The following LRP1B variants were observed in gnomAD, a reference collection of about 807,000 sequenced individuals.
LRP1B encodes LDL receptor related protein 1B, also known as low-density lipoprotein receptor-related protein 1B.
A neutral mutation model predicts 556.6 loss-of-function variants in LRP1B; 217 were observed. That is an observed-to-expected ratio of 0.39 (90% CI 0.35 to 0.44). LRP1B has a LOEUF of 0.44. Among genes scored for constraint, LRP1B ranks in the 20% least tolerant of loss-of-function variants. The pLI, the probability that LRP1B is intolerant of heterozygous loss-of-function variation, is 1.00. For missense variants in LRP1B, 5,053 were observed against 5,620.8 expected (o/e 0.90, Z 3.23); for synonymous variants, 2,047 against 1,865.8 (o/e 1.10, Z -2.50).
chr2:141,474,170 A>G (rs1182793202), intron 3 of LRP1B, among the ~76,000 whole-genome samples: 1 of 148,864 alleles, frequency 6.7e-6, no homozygotes, highest in Non-Finnish European at 1.5e-5. Context: ...TAGCTGGAAT[A>G]GGATTTTTAA....
intron 3 of LRP1B, among the ~76,000 whole-genome samples, chr2:141,401,783 G>C (rs796126249): frequency 6.6e-6 from 1 of 151,944 alleles, no homozygotes; most frequent in Admixed American, 6.6e-5. Flanking sequence ...TCATACAGTG[G>C]GGGGAAAAAT....
At chr2:142,101,463 T>C (rs1436344699) in intron 1 of LRP1B, among the ~76,000 whole-genome samples, 1 of 152,018 alleles carries the variant, frequency 6.6e-6, no homozygotes, top group Non-Finnish European at 1.5e-5. Flanking sequence ...GTTTGACATA[T>C]TTTGCATATG....
At chr2:140,910,134 A>T (rs1321369800) in intron 21 of LRP1B, among the ~76,000 whole-genome samples, 1 of 150,732 alleles carries the variant, frequency 6.6e-6, no homozygotes, top group African/African-American at 2.4e-5. Context: ...TAATGAGTAG[A>T]AACTGTATAT....
chr2:140,759,634 A>G (rs1418008645), intron 35 of LRP1B, among the ~76,000 whole-genome samples: 1 of 152,208 alleles, frequency 6.6e-6, no homozygotes, highest in Non-Finnish European at 1.5e-5. Flanking sequence ...AGCATAAAGA[A>G]CTGGCAACTG....
chr2:140,583,736 T>G (rs1005531393), intron 43 of LRP1B, among the ~76,000 whole-genome samples: 5 of 151,916 alleles, frequency 3.3e-5, no homozygotes, highest in African/African-American at 1.2e-4. Flanking sequence ...TATTATTATG[T>G]GCTGCTAGAA....
chr2:141,030,075 T>C (rs1018219484), intron 11 of LRP1B, among the ~76,000 whole-genome samples: 13 of 152,170 alleles, frequency 8.5e-5, no homozygotes, highest in African/African-American at 3.1e-4. Context: ...TCATTTTGAT[T>C]CCTCTAAATG....
intron 1 of LRP1B, among the ~76,000 whole-genome samples, chr2:141,971,060 C>G (rs941733153): frequency 1.3e-5 from 2 of 151,482 alleles, no homozygotes; most frequent in African/African-American, 4.8e-5. Flanking sequence ...GATTAGCAAG[C>G]CTTAGAGAAG....
At chr2:140,396,770 G>A (rs909785786) in intron 66 of LRP1B, among the ~76,000 whole-genome samples, 1 of 152,116 alleles carries the variant, frequency 6.6e-6, no homozygotes, top group Non-Finnish European at 1.5e-5. Context: ...AAGAACACAG[G>A]TATTTATTTC....
At chr2:141,831,558 A>T (rs13410890) in intron 1 of LRP1B, among the ~76,000 whole-genome samples, 4,921 of 151,726 alleles carry the variant, frequency 0.032, 258 homozygotes, top group African/African-American at 0.11. Context: ...CTTTTTCATC[A>T]TTCTATACTG....
intron 41 of LRP1B, among the ~76,000 whole-genome samples, chr2:140,602,765 C>A (rs1384994032): frequency 6.6e-6 from 1 of 151,336 alleles, no homozygotes; most frequent in Non-Finnish European, 1.5e-5. Flanking sequence ...TTTTTACATA[C>A]AACATGAAAT....
chr2:140,575,943 A>T (rs940659350), intron 43 of LRP1B, among the ~76,000 whole-genome samples: 9 of 114,962 alleles, frequency 7.8e-5, no homozygotes, highest in Admixed American at 3.9e-4. Flanking sequence ...AACAAAAAAC[A>T]AAAAAAAAGT....
At chr2:140,319,930 A>G (rs1680009132) in intron 82 of LRP1B, among the ~76,000 whole-genome samples, 1 of 152,116 alleles carries the variant, frequency 6.6e-6, no homozygotes, top group Non-Finnish European at 1.5e-5. Flanking sequence ...ATTCACACTT[A>G]GCTCTCTGTT....
rs1282164144 is a variant in LRP1B at position 140,647,464 on chromosome 2, T to C, written c.6800-45825A>G. Reference sequence around the variant, plus strand: ...CATACATAAATTGACATGTAATTTATCATCCAAATCAAGACATTTTTGAGA... The same window carrying C: ...CATACATAAATTGACATGTAATTTACCATCCAAATCAAGACATTTTTGAGA... On this transcript the variant is annotated intron_variant, in intron 41 of 90. Transcript: ENST00000389484. Among the ~76,000 whole-genome samples, 4 of 152,132 alleles carry C rather than the reference T, an allele frequency of 2.6e-5. No homozygotes were observed. The East Asian group carries it at 7.7e-4, about 29-fold the overall frequency.
chr2:141,463,591 A>ATTATGTATTATATATTAT (rs59796893), intron 3 of LRP1B, among the ~76,000 whole-genome samples: 2 of 77,318 alleles, frequency 2.6e-5, no homozygotes, highest in East Asian at 3.0e-4. Context: ...ATTATATATA[A>ATTATGTATTATATATTAT]TATATATTAT....
intron 3 of LRP1B, among the ~76,000 whole-genome samples, chr2:141,284,509 T>C (rs1685633031): frequency 6.6e-6 from 1 of 152,196 alleles, no homozygotes; most frequent in Non-Finnish European, 1.5e-5. Flanking sequence ...AAAAGAAAGA[T>C]AGCTCTATTT....
Position 141,585,478 on chromosome 2 carries a change from G to T in LRP1B, c.206-104945C>A, listed in dbSNP as rs1028993272. Among the ~76,000 whole-genome samples, 8 of 148,238 alleles carry T rather than the reference G, an allele frequency of 5.4e-5. No homozygotes were observed. In the East Asian group the frequency reaches 1.6e-3, roughly 29 times the overall value. ...GTGTGTGTGTGTGTGTGATGGGGTG[G>T]GGCTGAGGAAGAATGGCCACTTTAT... On this transcript the variant is annotated intron_variant, in intron 2 of 90. Transcript: ENST00000389484.
At chr2:141,905,227 T>C (rs555828565) in intron 1 of LRP1B, among the ~76,000 whole-genome samples, 2 of 151,914 alleles carry the variant, frequency 1.3e-5, no homozygotes, top group South Asian at 2.1e-4. Flanking sequence ...ATATAATGTC[T>C]AGGACAAAGG....
In LRP1B at chr2:140,321,989, C is replaced by T. The variant is rs765298621; in HGVS notation, c.12614G>A (p.Gly4205Asp). 1 of 1,612,808 alleles carries T rather than the reference C, an allele frequency of 6.2e-7. No individual in the cohort carries two copies. The highest frequency in any genetic ancestry group is 8.5e-7 in the Non-Finnish European group (1 of 1,179,264). Residue 4205 changes from glycine to aspartate, a missense_variant, in exon 82 of 91, where the codon GGC becomes GAC. Gly to Asp is a moderately conservative substitution (Grantham distance 94, BLOSUM62 -1). Around this residue, in one of 5 missense-constraint regions of LRP1B, gnomAD observed 551 missense variants for 592.0 expected, o/e 0.93. Coordinates refer to ENST00000389484, the MANE Select transcript of LRP1B (RefSeq NM_018557.3). ...TAACAGGCTGTCATCATTGCAGGTG[C>T]CATTAATCAAATATTTTCCTTCTGG... ...VCPEGKYLINGTCNDDSLLDD... is the reference protein window; with the variant it reads ...VCPEGKYLINDTCNDDSLLDD...
At position 141,101,778 on chromosome 2, in the gene LRP1B, A is replaced by T. The variant is rs539877757; in HGVS notation, c.1014-39505T>A. Among the ~76,000 whole-genome samples, 4 of 152,312 alleles carry T rather than the reference A, an allele frequency of 2.6e-5. No individual in the cohort carries two copies. In the South Asian group the frequency reaches 8.3e-4, roughly 32 times the overall value. Reference sequence around the variant, plus strand: ...TTTTCTGTAAACCCACGGCATTAATAAATGCTGTTCTGTTATCTAAACCAG... The same window carrying T: ...TTTTCTGTAAACCCACGGCATTAATTAATGCTGTTCTGTTATCTAAACCAG... On this transcript the variant is annotated intron_variant, in intron 7 of 90. Coordinates refer to ENST00000389484, the MANE Select transcript of LRP1B (RefSeq NM_018557.3).
Sources: allele counts gnomAD v4.1 joint callset (sites outside exome capture counted in the v4.1 genomes callset), GRCh38; gene constraint gnomAD v4.1.1; regional missense constraint gnomAD v4.1.1; transcripts MANE v1.5; gene names NCBI Gene and HGNC (gene_info 2026-07-23, HGNC 2026-07-21).